The following ITCH variants were observed in gnomAD, a reference collection of about 807,000 sequenced individuals.
ITCH encodes the protein E3 ubiquitin-protein ligase Itchy homolog.
In ITCH, 28 loss-of-function variants were observed where a neutral mutation model predicts 126.8. The ratio of observed to expected loss-of-function variants is 0.22; its 90% CI spans 0.16 to 0.30. The LOEUF (loss-of-function observed/expected upper bound fraction) is 0.30, where lower values mean the gene tolerates loss of function less well. Ranked by LOEUF, ITCH falls within the 10% of genes least tolerant of loss-of-function variation. The pLI, the probability that ITCH is intolerant of heterozygous loss-of-function variation, is 1.00. For synonymous variants in ITCH, 342 were observed against 340.0 expected (o/e 1.01, Z -0.06); for missense variants, 631 against 1,032.4 (o/e 0.61, Z 5.33).
intron 2 of ITCH, among the ~76,000 whole-genome samples, chr20:34,373,403 G>A (rs2037715878): frequency 6.6e-6 from 1 of 151,898 alleles, no homozygotes; most frequent in Non-Finnish European, 1.5e-5. Context: ...AGCCTCCTGG[G>A]TAGCTGGGAT....
chr20:34,449,357 G>A, intron 11 of ITCH, 54 bp from the exon 12 acceptor site: 1 of 1,057,790 alleles, frequency 9.5e-7, no homozygotes, highest in Admixed American at 1.8e-5. Context: ...TAAGCTTGCT[G>A]TCAGATAAGT....
intron 3 of ITCH, among the ~76,000 whole-genome samples, chr20:34,401,331 C>T (rs1250214293): frequency 6.6e-6 from 1 of 151,918 alleles, no homozygotes; most frequent in Non-Finnish European, 1.5e-5. Context: ...CAAGCTCAAC[C>T]CATTTGTTCT....
At position 34,511,478 on chromosome 20, in the gene ITCH, C is replaced by G. The variant is rs1978805290; in HGVS notation, c.*3684C>G. ...CCACCTTCTGAGACTTATATGTGAC[C>G]AGGTCACATAGATTTCTGCCTCTCT... On this transcript the variant is annotated 3_prime_UTR_variant, in exon 25 of 25. Coordinates refer to ENST00000374864, the MANE Select transcript of ITCH (RefSeq NM_031483.7). 6.6e-6 allele frequency: 1 copy of G among 152,140 alleles called. No homozygotes were observed. Among genetic ancestry groups the G allele is most frequent in the South Asian group, 2.1e-4 (1 of 4,824 alleles). 9.4% of individuals were successfully genotyped at this position (152,140 alleles called of 1,614,324 possible).
intron 7 of ITCH, among the ~76,000 whole-genome samples, chr20:34,429,368 A>T (rs1981981252): frequency 6.6e-6 from 1 of 152,232 alleles, no homozygotes; most frequent in Admixed American, 6.5e-5. Flanking sequence ...AAAATAACTT[A>T]AACTTATTAA....
chr20:34,441,650 A>T (rs1465969470), intron 9 of ITCH: 1 of 156,940 alleles, frequency 6.4e-6, no homozygotes. Flanking sequence ...CAATGATGCA[A>T]TCTTGGCTTA....
At chr20:34,502,150 A>G (rs1000756647) in intron 23 of ITCH, among the ~76,000 whole-genome samples, 1 of 152,226 alleles carries the variant, frequency 6.6e-6, no homozygotes, top group Non-Finnish European at 1.5e-5. Flanking sequence ...TTTTAAATCT[A>G]TTAAAAGCAA....
At chr20:34,478,578 T>A (rs540666229) in intron 17 of ITCH, among the ~76,000 whole-genome samples, 1 of 152,284 alleles carries the variant, frequency 6.6e-6, no homozygotes, top group East Asian at 1.9e-4. Context: ...TAGTGTGATG[T>A]TGGGCAAATA....
At chr20:34,495,322 C>T (rs1327194268) in intron 23 of ITCH, among the ~76,000 whole-genome samples, 1 of 144,702 alleles carries the variant, frequency 6.9e-6, no homozygotes, top group South Asian at 2.2e-4. Context: ...TATATACACA[C>T]GCACACACAC....
intron 2 of ITCH, among the ~76,000 whole-genome samples, chr20:34,375,554 T>G (rs887370606): frequency 1.3e-5 from 2 of 151,614 alleles, no homozygotes; most frequent in Non-Finnish European, 1.5e-5. Context: ...GATAACATAG[T>G]GAGACCCCAT....
intron 16 of ITCH, among the ~76,000 whole-genome samples, chr20:34,475,439 G>A (rs898364392): frequency 3.9e-5 from 6 of 152,216 alleles, no homozygotes; most frequent in Non-Finnish European, 8.8e-5. Context: ...GATCACTCGC[G>A]GTTAGGAGCT....
intron 1 of ITCH, among the ~76,000 whole-genome samples, chr20:34,363,846 C>A (rs1055206304): frequency 2.1e-4 from 32 of 152,146 alleles, no homozygotes; most frequent in Non-Finnish European, 4.6e-4. Context: ...CCCAGCACAG[C>A]GGCTGCCTCC....
chr20:34,474,232 A>G (rs568594421), intron 16 of ITCH, among the ~76,000 whole-genome samples: 2 of 152,050 alleles, frequency 1.3e-5, no homozygotes, highest in African/African-American at 2.4e-5. Flanking sequence ...GCAGGGTCAT[A>G]GGACAATAGT....
intron 23 of ITCH, among the ~76,000 whole-genome samples, chr20:34,499,635 AAC>A (rs905894677): frequency 1.1e-4 from 17 of 151,532 alleles, no homozygotes; most frequent in African/African-American, 3.4e-4. Flanking sequence ...AGAAAAAAAA[AAC>A]AACTTTTCAT....
intron 22 of ITCH, among the ~76,000 whole-genome samples, chr20:34,490,629 C>T (rs1237428076): frequency 6.6e-6 from 1 of 152,140 alleles, no homozygotes; most frequent in African/African-American, 2.4e-5. Context: ...GGTGACAGAG[C>T]AAGACTCTGT....
At chr20:34,445,238 C>G (rs1568948981) in intron 10 of ITCH, 49 bp from the exon 11 acceptor site, 2 of 1,579,484 alleles carry the variant, frequency 1.3e-6, no homozygotes, top group East Asian at 2.2e-5. Flanking sequence ...ATCTGTTTCA[C>G]AAGTATTTGT....
rs76431782 is a variant in ITCH at position 34,380,545 on chromosome 20, T to C, written c.-22+11075T>C. Among the ~76,000 whole-genome samples the C allele has an allele frequency of 7.8e-3, 1,178 of 151,912 alleles. 17 individuals are homozygous for C. The highest frequency in any genetic ancestry group is 0.027 in the African/African-American group (1,127 of 41,400). On this transcript the variant is annotated intron_variant, in intron 2 of 24. Coordinates refer to ENST00000374864, the MANE Select transcript of ITCH (RefSeq NM_031483.7). Reference sequence around the variant, plus strand: ...CTGGATACAACTCCTTTATCAGATATGTGTTTTGCAGATTTTATCTCCTAG... The same window carrying C: ...CTGGATACAACTCCTTTATCAGATACGTGTTTTGCAGATTTTATCTCCTAG...
Position 34,442,323 on chromosome 20 carries a change from A to C in ITCH, c.965+20A>C. ...TCCTGGGTAAGTATCTAAATTTAAA[A>C]AGAATAATTTTATTTAGTCAGAATT... On this transcript the variant is annotated intron_variant, in intron 10 of 24. Transcript: ENST00000374864. 1 of 1,503,752 alleles carries C rather than the reference A, an allele frequency of 6.7e-7. No homozygotes were observed. The highest frequency in any genetic ancestry group is 1.1e-5 in the South Asian group (1 of 88,814). The allele number at this position is 1,503,752 out of a possible 1,614,324, so 93.2% of individuals were successfully genotyped here. A position where few individuals can be genotyped will look rare whatever the true frequency, so the allele number is the denominator to read the frequency against.
intron 7 of ITCH, among the ~76,000 whole-genome samples, chr20:34,430,423 A>ATTT (rs534376489): frequency 6.8e-6 from 1 of 147,822 alleles, no homozygotes; most frequent in East Asian, 2.0e-4. Context: ...GACTTACGGA[A>ATTT]TTTTTTTTTT....
At chr20:34,460,182 G>T (rs1037448082) in intron 13 of ITCH, among the ~76,000 whole-genome samples, 10 of 13,604 alleles carry the variant, frequency 7.4e-4, no homozygotes, top group Admixed American at 1.1e-3. Context: ...ATACAGGTTT[G>T]TTGTTGTTGT....
Sources: gnomAD v4.1 joint callset for allele counts (sites outside exome capture counted in the v4.1 genomes callset) on GRCh38, gnomAD v4.1.1 for gene constraint, MANE v1.5 for transcripts, NCBI Gene and HGNC (gene_info 2026-07-23, HGNC 2026-07-21) for gene names.